ADCY2: variants seen among roughly 807,000 people sequenced by gnomAD.
The protein encoded by ADCY2 is adenylate cyclase type 2.
In ADCY2, 31 loss-of-function variants were observed where a neutral mutation model predicts 125.2. The observed-to-expected ratio is 0.25, with a 90% CI of 0.19 to 0.33. The LOEUF (loss-of-function observed/expected upper bound fraction) is 0.33. Among genes scored for constraint, ADCY2 ranks in the 10% least tolerant of loss-of-function variants. ADCY2 has a pLI of 1.00. For synonymous variants in ADCY2, 512 were observed against 548.4 expected (o/e 0.93, Z 0.93); for missense variants, 904 against 1,418.2 (o/e 0.64, Z 5.82).
chr5:7,772,895 A>T, intron 17 of ADCY2, 37 bp from the exon 18 acceptor site: 1 of 1,598,052 alleles, frequency 6.3e-7, no homozygotes, highest in Non-Finnish European at 8.6e-7. Flanking sequence ...CTCAGAAGAG[A>T]TCCTAAGTAT....
chr5:7,822,597 G>A (rs1745335353), intron 24 of ADCY2, among the ~76,000 whole-genome samples: 1 of 152,164 alleles, frequency 6.6e-6, no homozygotes, highest in Admixed American at 6.5e-5. Context: ...CTGCCTTCCA[G>A]TGAGCTCATC....
intron 3 of ADCY2, among the ~76,000 whole-genome samples, chr5:7,574,372 C>T (rs1736177119): frequency 6.6e-6 from 1 of 151,882 alleles, no homozygotes; most frequent in African/African-American, 2.4e-5. Flanking sequence ...TTTACAGTCC[C>T]ACCAACAGTG....
At chr5:7,513,822 G>C (rs995156269) in intron 2 of ADCY2, among the ~76,000 whole-genome samples, 2 of 152,078 alleles carry the variant, frequency 1.3e-5, no homozygotes, top group Non-Finnish European at 2.9e-5. Flanking sequence ...AAATACAATG[G>C]TATTTCTAAT....
At chr5:7,468,159 A>C (rs1742195613) in intron 2 of ADCY2, among the ~76,000 whole-genome samples, 2 of 152,252 alleles carry the variant, frequency 1.3e-5, no homozygotes, top group African/African-American at 2.4e-5. Flanking sequence ...TTTAATCAGA[A>C]ATAGGGCTAA....
In ADCY2 at chr5:7,757,456, G is replaced by A. The variant is rs770252969; in HGVS notation, c.1964G>A (p.Ser655Asn). The change falls in exon 16 of 25, where the codon AGC (serine) becomes AAC (asparagine). Residue 655 changes from serine (S) to asparagine (N), a missense_variant. Physicochemically the swap from Ser to Asn is conservative, Grantham distance 46. Coordinates refer to ENST00000338316, the MANE Select transcript of ADCY2 (RefSeq NM_020546.3). ...CTTTCTCTCTTCTCCTAGCAATGCA[G>A]CAAAAAAGCCTCTCCCCTGCTCATG... ...VCFAGQLLQC[S>N]KKASPLLMWL... The A allele has an allele frequency of 3.1e-6, 5 of 1,613,366 alleles. 1 individual carries two copies. The Middle Eastern group carries it at 4.9e-4, about 159-fold the overall frequency.
At chr5:7,783,924 A>G (rs1364418253) in intron 18 of ADCY2, among the ~76,000 whole-genome samples, 1 of 152,224 alleles carries the variant, frequency 6.6e-6, no homozygotes. Context: ...CTTGAAAGTT[A>G]TATGAAACTG....
rs369437136 is a variant in ADCY2 at position 7,689,538 on chromosome 5, G to A, written c.721-1153G>A. Among the ~76,000 whole-genome samples the A allele has an allele frequency of 1.0e-3, 152 of 152,180 alleles. 5 individuals are homozygous for A. In the South Asian group the frequency reaches 0.028, roughly 29 times the overall value. On this transcript the variant is annotated intron_variant, in intron 4 of 24. Transcript: ENST00000338316. Reference sequence around the variant, plus strand: ...CTTGTCTTTCCATGGAGGGATGAGCGGGGAGAAAGGATCATCAGAATGTAC... The same window carrying A: ...CTTGTCTTTCCATGGAGGGATGAGCAGGGAGAAAGGATCATCAGAATGTAC...
intron 4 of ADCY2, among the ~76,000 whole-genome samples, chr5:7,649,325 A>C (rs1168535652): frequency 6.6e-6 from 1 of 152,222 alleles, no homozygotes; most frequent in African/African-American, 2.4e-5. Flanking sequence ...ATGCATCATC[A>C]GTTTATAGCA....
intron 10 of ADCY2, among the ~76,000 whole-genome samples, chr5:7,712,172 C>T (rs568850581): frequency 1.3e-5 from 2 of 152,300 alleles, no homozygotes; most frequent in African/African-American, 4.8e-5. Context: ...AAGCAGCAAA[C>T]CAAAGTTTCT....
At chr5:7,413,442 T>C (rs4702465) in intron 1 of ADCY2, among the ~76,000 whole-genome samples, 9,897 of 151,752 alleles carry the variant, frequency 0.065, 462 homozygotes, top group Middle Eastern at 0.15. Flanking sequence ...CACAGGCGCC[T>C]GCCACCACGC....
chr5:7,792,668 C>T (rs903191290), intron 20 of ADCY2, among the ~76,000 whole-genome samples: 2 of 152,182 alleles, frequency 1.3e-5, no homozygotes, highest in African/African-American at 4.8e-5. Flanking sequence ...CATCAGAATA[C>T]AGTTACCCTC....
At chr5:7,466,023 T>C (rs1373608104) in intron 2 of ADCY2, among the ~76,000 whole-genome samples, 4 of 152,148 alleles carry the variant, frequency 2.6e-5, no homozygotes, top group Non-Finnish European at 5.9e-5. Context: ...ACTATATGAG[T>C]CCTACCTCTT....
intron 2 of ADCY2, among the ~76,000 whole-genome samples, chr5:7,473,418 T>C (rs541593742): frequency 6.6e-6 from 1 of 152,098 alleles, no homozygotes; most frequent in East Asian, 2.0e-4. Context: ...TGGTGGGAAC[T>C]AATAGGACAA....
intron 2 of ADCY2, among the ~76,000 whole-genome samples, chr5:7,473,684 T>G (rs1742420901): frequency 6.6e-6 from 1 of 152,190 alleles, no homozygotes; most frequent in Non-Finnish European, 1.5e-5. Flanking sequence ...ATTTAAGGCC[T>G]TAACATGATA....
At chr5:7,539,319 C>T (rs1014267858) in intron 3 of ADCY2, among the ~76,000 whole-genome samples, 3 of 151,420 alleles carry the variant, frequency 2.0e-5, no homozygotes, top group Non-Finnish European at 2.9e-5. Context: ...TGCTATATTC[C>T]AGTACTTTTC....
chr5:7,650,850 G>C (rs1273696557), intron 4 of ADCY2, among the ~76,000 whole-genome samples: 1 of 152,166 alleles, frequency 6.6e-6, no homozygotes, highest in Non-Finnish European at 1.5e-5. Context: ...ATGGCTTCTG[G>C]AACAGAAATC....
At chr5:7,569,532 G>C (rs1309671949) in intron 3 of ADCY2, among the ~76,000 whole-genome samples, 1 of 152,162 alleles carries the variant, frequency 6.6e-6, no homozygotes, top group Non-Finnish European at 1.5e-5. Flanking sequence ...CTCCACAGCT[G>C]CTGCCCTAGA....
chr5:7,800,105 G>A (rs928313597), intron 20 of ADCY2: 1 of 152,174 alleles, frequency 6.6e-6, no homozygotes. Flanking sequence ...TGTCAGACTT[G>A]ATAACTCCAG....
At chr5:7,566,511 G>C (rs1345465281) in intron 3 of ADCY2, among the ~76,000 whole-genome samples, 1 of 152,038 alleles carries the variant, frequency 6.6e-6, no homozygotes, top group Non-Finnish European at 1.5e-5. Context: ...AAGAGAAAGA[G>C]AGAGAGAGAG....
Sources: allele counts gnomAD v4.1 joint callset (sites outside exome capture counted in the v4.1 genomes callset), GRCh38; gene constraint gnomAD v4.1.1; transcripts MANE v1.5; gene names NCBI Gene and HGNC (gene_info 2026-07-23, HGNC 2026-07-21).